MYLK4: variants seen among roughly 807,000 people sequenced by gnomAD.
MYLK4 encodes myosin light chain kinase family member 4.
MYLK4 carries 46 observed loss-of-function variants against 48.1 expected under a neutral mutation model. That is an observed-to-expected ratio of 0.96 (90% CI 0.75 to 1.22). MYLK4 has a LOEUF of 1.22. MYLK4 is among the 50% of genes most tolerant of loss of function. MYLK4 has a pLI of 0.00. For missense variants in MYLK4, 451 were observed against 486.1 expected (o/e 0.93, Z 0.68); for synonymous variants, 170 against 180.8 (o/e 0.94, Z 0.48).
At chr6:2,711,062 G>A (rs895172869) in intron 2 of MYLK4, among the ~76,000 whole-genome samples, 24 of 152,150 alleles carry the variant, frequency 1.6e-4, no homozygotes, top group African/African-American at 4.3e-4. Flanking sequence ...GCTGGCTTAC[G>A]CATAACCACA....
chr6:2,739,263 C>T (rs183392525), intron 2 of MYLK4, among the ~76,000 whole-genome samples: 5 of 152,322 alleles, frequency 3.3e-5, no homozygotes, highest in Non-Finnish European at 7.3e-5. Context: ...AGAACCAACA[C>T]AGTGTCTTTT....
the MYLK4 span, chr6:2,765,373 G>C: frequency 3.0e-6 from 1 of 333,878 alleles, no homozygotes; most frequent in Non-Finnish European, 5.2e-6. Context: ...CTCCGCCGCC[G>C]GGGCAAACGG....
rs1192381663 is a variant in MYLK4 at position 2,679,369 on chromosome 6, G to A, written c.798C>T (p.Thr266=). The A allele has an allele frequency of 6.2e-7, 1 of 1,614,066 alleles. No individual in the cohort carries two copies. Among genetic ancestry groups the A allele is most frequent in the Admixed American group, 1.7e-5 (1 of 60,018 alleles). ...CAACTTCAGGGGCGAGAAATTCTGG[G>A]GTTCCAAAGTTCACCTTCAGCTTCT... The part of the protein sequence containing the change: ...PREKLKVNFG[T]PEFLAPEVVN... Residue 266 remains threonine, a synonymous_variant, in exon 9 of 13, where the codon ACC becomes ACT. Transcript: ENST00000274643.
intron 3 of MYLK4, 139 bp downstream of exon 3, chr6:2,692,638 AAAAAGGG>A: frequency 1.8e-6 from 1 of 563,544 alleles, no homozygotes; most frequent in Non-Finnish European, 2.8e-6. Flanking sequence ...GCAAAAAAAA[AAAAAGGG>A]GGGGGGGGGC....
chr6:2,697,108 A>G (rs1762090520), intron 2 of MYLK4, among the ~76,000 whole-genome samples: 1 of 152,258 alleles, frequency 6.6e-6, no homozygotes, highest in Non-Finnish European at 1.5e-5. Flanking sequence ...TGTAGTGGTT[A>G]TCAATGTATA....
intron 4 of MYLK4, among the ~76,000 whole-genome samples, chr6:2,687,979 G>A (rs1761621253): frequency 6.6e-6 from 1 of 152,138 alleles, no homozygotes; most frequent in Non-Finnish European, 1.5e-5. Flanking sequence ...AGTAAACGAA[G>A]AAGAACACCC....
upstream of MYLK4, among the ~76,000 whole-genome samples, chr6:2,753,298 C>G (rs1379184692): frequency 6.6e-6 from 1 of 152,070 alleles, no homozygotes; most frequent in South Asian, 2.1e-4. Context: ...CATTGAAACC[C>G]GGCTGGATTA....
intron 2 of MYLK4, among the ~76,000 whole-genome samples, chr6:2,720,812 G>A (rs1168706697): frequency 6.6e-6 from 1 of 152,044 alleles, no homozygotes; most frequent in Non-Finnish European, 1.5e-5. Flanking sequence ...AAACGTAAAG[G>A]ACTAGACTAA....
intron 2 of MYLK4, among the ~76,000 whole-genome samples, chr6:2,745,106 G>T (rs1038912518): frequency 4.6e-5 from 7 of 152,158 alleles, no homozygotes; most frequent in Non-Finnish European, 8.8e-5. Flanking sequence ...AGCAGGGATG[G>T]GGGTGGTACA....
intron 2 of MYLK4, among the ~76,000 whole-genome samples, chr6:2,701,486 C>T (rs936151116): frequency 3.3e-5 from 5 of 152,132 alleles, no homozygotes; most frequent in African/African-American, 7.2e-5. Flanking sequence ...GCTTAACCTC[C>T]TAATGGTTTA....
At position 2,749,301 on chromosome 6, in the gene MYLK4, A is replaced by G. The variant is rs1382345756; in HGVS notation, c.-7T>C. Reference sequence around the variant, plus strand: ...GCCTCTTCACTTTTAACATCTTAGTAGTGAGTCCGATTAAGCTACTTTCTG... The same window carrying G: ...GCCTCTTCACTTTTAACATCTTAGTGGTGAGTCCGATTAAGCTACTTTCTG... On this transcript the variant is annotated 5_prime_UTR_variant, in exon 2 of 13. Coordinates refer to ENST00000274643, the MANE Select transcript of MYLK4 (RefSeq NM_001012418.5). 2.5e-6 allele frequency: 4 copies of G among 1,611,064 alleles called. No homozygotes were observed. The South Asian group carries it at 3.3e-5, about 13-fold the overall frequency.
chr6:2,719,363 T>A (rs1762985166), intron 2 of MYLK4, among the ~76,000 whole-genome samples: 1 of 152,156 alleles, frequency 6.6e-6, no homozygotes, highest in Non-Finnish European at 1.5e-5. Context: ...GGGTAAGGCA[T>A]AATCCCCCCA....
At chr6:2,764,809 T>C in the MYLK4 span, among the ~76,000 whole-genome samples, 1 of 152,144 alleles carries the variant, frequency 6.6e-6, no homozygotes, top group Non-Finnish European at 1.5e-5. Flanking sequence ...CCAACACATC[T>C]AAAAGGGGGC....
chr6:2,764,235 C>T, the MYLK4 span, among the ~76,000 whole-genome samples: 1 of 152,148 alleles, frequency 6.6e-6, no homozygotes, highest in East Asian at 1.9e-4. Flanking sequence ...ATTTTTGAGC[C>T]TAACTTTTTT....
chr6:2,766,518 G>A, the MYLK4 span: 6 of 1,432,138 alleles, frequency 4.2e-6, no homozygotes, highest in Non-Finnish European at 5.5e-6. Flanking sequence ...GGAGAGCCGG[G>A]TGTGCTGCCC....
chr6:2,683,014 CCCTTA>C lies in MYLK4; in HGVS notation c.687+2_687+6del. The C allele has an allele frequency of 6.2e-7, 1 of 1,614,136 alleles. No individual in the cohort carries two copies. The highest frequency in any genetic ancestry group is 8.5e-7 in the Non-Finnish European group (1 of 1,180,016). On this transcript the variant is annotated splice_donor_variant and splice_donor_5th_base_variant and intron_variant, in intron 7 of 12. Transcript: ENST00000274643. LOFTEE classifies it high-confidence loss of function. ...CTTACGTCTCACAGGATACAAAACA[CCCTTA>C]CCTTCAGGTCCAAGTGGAGAATGTA... is the stretch of plus-strand genomic sequence containing the variant.
the MYLK4 span, among the ~76,000 whole-genome samples, chr6:2,767,389 C>T: frequency 6.0e-3 from 909 of 152,334 alleles, 9 homozygotes; most frequent in African/African-American, 0.021. Flanking sequence ...GATTCAGACT[C>T]GTTTGCACAC....
At chr6:2,744,042 G>A in intron 2 of MYLK4, 2 of 399,070 alleles carry the variant, frequency 5.0e-6, no homozygotes, top group East Asian at 7.1e-5. Context: ...TCCATTCTTT[G>A]GGAGCAGCTG....
intron 2 of MYLK4, among the ~76,000 whole-genome samples, chr6:2,737,984 G>GA (rs1763751892): frequency 1.8e-5 from 2 of 111,204 alleles, no homozygotes; most frequent in African/African-American, 3.3e-5. Context: ...GGGCGGGTGG[G>GA]GGGGGGGTGG....
Sources: gnomAD v4.1 joint callset for allele counts (sites outside exome capture counted in the v4.1 genomes callset) on GRCh38, gnomAD v4.1.1 for gene constraint, MANE v1.5 for transcripts, NCBI Gene and HGNC (gene_info 2026-07-23, HGNC 2026-07-21) for gene names.